Variants in EDIL3 observed in about 807,000 individuals in gnomAD.
EDIL3 encodes the protein EGF-like repeat and discoidin I-like domain-containing protein 3.
Under a neutral mutation model 67.4 loss-of-function variants are expected in EDIL3, and 37 were observed. That is an observed-to-expected ratio of 0.55 (90% CI 0.42 to 0.72). EDIL3 has a LOEUF of 0.72. Among genes scored for constraint, EDIL3 ranks in the 30% least tolerant of loss-of-function variants. The probability of loss-of-function intolerance (pLI) is 0.00; values close to 1 mark genes in which losing one functional copy is unlikely to be tolerated. For missense variants in EDIL3, 527 were observed against 586.3 expected (o/e 0.90, Z 1.04); for synonymous variants, 195 against 196.3 (o/e 0.99, Z 0.05).
At chr5:84,363,796 A>G (rs1354613623) in intron 1 of EDIL3, among the ~76,000 whole-genome samples, 2 of 152,184 alleles carry the variant, frequency 1.3e-5, no homozygotes, top group Admixed American at 1.3e-4. Context: ...TAATTTTCTA[A>G]GCCAACAACT....
At chr5:84,320,579 A>G (rs2112155062) in intron 1 of EDIL3, among the ~76,000 whole-genome samples, 1 of 152,224 alleles carries the variant, frequency 6.6e-6, no homozygotes, top group South Asian at 2.1e-4. Context: ...TGAAGATCTC[A>G]TAGCTGATCT....
At chr5:84,173,363 C>T (rs190358555) in intron 4 of EDIL3, among the ~76,000 whole-genome samples, 22 of 152,178 alleles carry the variant, frequency 1.4e-4, no homozygotes, top group Admixed American at 9.8e-4. Flanking sequence ...AGTTGCAGGA[C>T]GAGCTGTGAC....
intron 9 of EDIL3, among the ~76,000 whole-genome samples, chr5:84,032,842 C>T (rs1745953686): frequency 6.6e-6 from 1 of 152,152 alleles, no homozygotes; most frequent in Non-Finnish European, 1.5e-5. Flanking sequence ...TATGTTTCTC[C>T]CATCAAAAAT....
At chr5:83,968,368 A>G (rs1744732848) in intron 9 of EDIL3, among the ~76,000 whole-genome samples, 1 of 152,070 alleles carries the variant, frequency 6.6e-6, no homozygotes, top group Non-Finnish European at 1.5e-5. Flanking sequence ...AAAAAATTTT[A>G]ATTTTCAACA....
At chr5:84,125,451 G>C (rs777973881) in intron 5 of EDIL3, among the ~76,000 whole-genome samples, 3 of 151,976 alleles carry the variant, frequency 2.0e-5, no homozygotes, top group Admixed American at 6.6e-5. Flanking sequence ...CTTCCTTAAA[G>C]AAAGAAGGTC....
intron 1 of EDIL3, among the ~76,000 whole-genome samples, chr5:84,303,797 T>A (rs960250833): frequency 2.0e-5 from 2 of 100,668 alleles, no homozygotes; most frequent in Non-Finnish European, 4.4e-5. Flanking sequence ...ACAGCATGTC[T>A]CTCTCTCTCT....
intron 3 of EDIL3, among the ~76,000 whole-genome samples, chr5:84,205,079 G>T (rs952402905): frequency 1.8e-5 from 2 of 109,876 alleles, no homozygotes; most frequent in African/African-American, 7.2e-5. Context: ...TGCCCTGGAA[G>T]ATTTTTTTTT....
At chr5:84,329,906 C>G (rs887751062) in intron 1 of EDIL3, among the ~76,000 whole-genome samples, 1 of 151,986 alleles carries the variant, frequency 6.6e-6, no homozygotes, top group African/African-American at 2.4e-5. Flanking sequence ...GGCAACCTGT[C>G]CAATATTATA....
At position 84,109,340 on chromosome 5, in the gene EDIL3, T is replaced by C. The variant is rs147594140; in HGVS notation, c.470-2510A>G. On this transcript the variant is annotated intron_variant, in intron 5 of 10. Transcript: ENST00000296591. ...GACCAACATGGTGAAACCCTGTCTCTACTGAAAATACAAAAATTACCTGGG... is the reference window on the plus strand; with the variant it reads ...GACCAACATGGTGAAACCCTGTCTCCACTGAAAATACAAAAATTACCTGGG... Among the ~76,000 whole-genome samples, 68 of 152,222 alleles carry C rather than the reference T, an allele frequency of 4.5e-4. No homozygotes were observed. The East Asian group carries it at 0.013, about 28-fold the overall frequency.
At chr5:84,272,022 C>T (rs1020511748) in intron 1 of EDIL3, among the ~76,000 whole-genome samples, 1 of 152,152 alleles carries the variant, frequency 6.6e-6, no homozygotes, top group East Asian at 1.9e-4. Flanking sequence ...GAACTACTGA[C>T]AATGTAATGA....
chr5:84,268,340 A>G (rs1745392146), intron 1 of EDIL3, among the ~76,000 whole-genome samples: 1 of 152,122 alleles, frequency 6.6e-6, no homozygotes, highest in South Asian at 2.1e-4. Context: ...TCAACTATGC[A>G]TTCTTTCTGC....
intron 8 of EDIL3, 116 bp from the exon 9 acceptor site, chr5:84,060,600 G>A: frequency 8.9e-7 from 1 of 1,120,620 alleles, no homozygotes; most frequent in South Asian, 1.7e-5. Context: ...TTCCTCCAAA[G>A]AGAAAACATC....
chr5:84,338,372 G>A (rs1380666107), intron 1 of EDIL3, among the ~76,000 whole-genome samples: 3 of 152,166 alleles, frequency 2.0e-5, no homozygotes, highest in Admixed American at 6.6e-5. Flanking sequence ...TGCCATGAGA[G>A]GACCATTCCT....
chr5:84,216,861 C>A lies in EDIL3; in HGVS notation c.226+12994G>T, dbSNP rs79425449. 3.4e-3 allele frequency among the ~76,000 whole-genome samples: 513 copies of A among 152,292 alleles called. 2 individuals are homozygous for A. The highest frequency in any genetic ancestry group is 0.012 in the African/African-American group (488 of 41,554). ...CTTTACATGTATTGTTGAGTGCGAT[C>A]TTTACAGCATACCTCTAAGGTAGGT... On this transcript the variant is annotated intron_variant, in intron 3 of 10. Transcript: ENST00000296591.
chr5:84,316,437 C>CA (rs1170398733), intron 1 of EDIL3, among the ~76,000 whole-genome samples: 1 of 151,608 alleles, frequency 6.6e-6, no homozygotes, highest in Non-Finnish European at 1.5e-5. Context: ...AAATGAAAAG[C>CA]AAAAAAAGCG....
At chr5:84,349,393 C>T (rs1317853105) in intron 1 of EDIL3, among the ~76,000 whole-genome samples, 1 of 152,138 alleles carries the variant, frequency 6.6e-6, no homozygotes, top group Middle Eastern at 3.2e-3. Flanking sequence ...ATTAATAGAT[C>T]AACCAGCTAT....
intron 3 of EDIL3, among the ~76,000 whole-genome samples, chr5:84,203,769 G>A (rs1286071432): frequency 6.6e-6 from 1 of 152,040 alleles, no homozygotes; most frequent in East Asian, 1.9e-4. Context: ...TTTACTTTTA[G>A]AAAATGTCAA....
chr5:84,265,704 C>G (rs1229256425), intron 1 of EDIL3, among the ~76,000 whole-genome samples: 1 of 152,166 alleles, frequency 6.6e-6, no homozygotes, highest in Non-Finnish European at 1.5e-5. Flanking sequence ...GATAAGGCAC[C>G]CCTCTGTAGA....
intron 9 of EDIL3, among the ~76,000 whole-genome samples, chr5:84,004,632 G>T (rs1002283359): frequency 2.0e-5 from 3 of 152,062 alleles, no homozygotes; most frequent in African/African-American, 7.2e-5. Flanking sequence ...GTAATTATTT[G>T]AAACTAATGA....
Sources: gnomAD v4.1 joint callset for allele counts (sites outside exome capture counted in the v4.1 genomes callset) on GRCh38, gnomAD v4.1.1 for gene constraint, MANE v1.5 for transcripts, NCBI Gene and HGNC (gene_info 2026-07-23, HGNC 2026-07-21) for gene names.